RANBP2: variants seen among roughly 807,000 people sequenced by gnomAD.
RANBP2 encodes the protein E3 SUMO-protein ligase RanBP2.
Under a neutral mutation model 303.6 loss-of-function variants are expected in RANBP2, and 57 were observed. The observed-to-expected ratio is 0.19, with a 90% CI of 0.15 to 0.23. The LOEUF (loss-of-function observed/expected upper bound fraction) is 0.23, where lower values mean the gene tolerates loss of function less well. Among genes scored for constraint, RANBP2 ranks in the 10% least tolerant of loss-of-function variants. The pLI, the probability that RANBP2 is intolerant of heterozygous loss-of-function variation, is 1.00. For synonymous variants in RANBP2, 1,167 were observed against 1,301.5 expected, an observed-to-expected ratio of 0.90 and a Z score of 2.23; for missense variants, 3,138 against 3,780.8, an observed-to-expected ratio of 0.83 and a Z score of 4.46.
chr2:109,349,889 G>A, the RANBP2 span, among the ~76,000 whole-genome samples: 14 of 152,384 alleles, frequency 9.2e-5, no homozygotes, highest in African/African-American at 2.9e-4. Flanking sequence ...CTGGACAAGA[G>A]GACAAAGGGC....
chr2:109,237,072 T>A, the RANBP2 span, among the ~76,000 whole-genome samples: 1 of 152,082 alleles, frequency 6.6e-6, no homozygotes, highest in East Asian at 1.9e-4. Flanking sequence ...GCAAACAATG[T>A]TAAAATAAGA....
At chr2:109,307,656 G>A in the RANBP2 span, among the ~76,000 whole-genome samples, 1 of 141,406 alleles carries the variant, frequency 7.1e-6, no homozygotes, top group African/African-American at 2.8e-5. Flanking sequence ...TCCCACCTAT[G>A]AGTGAGAATA....
the RANBP2 span, among the ~76,000 whole-genome samples, chr2:109,009,703 TTTTTTTTG>T: frequency 5.8e-5 from 7 of 120,370 alleles, no homozygotes; most frequent in African/African-American, 7.5e-5. Context: ...CATTTTTACC[TTTTTTTTG>T]TTTTTTTTTT....
the RANBP2 span, among the ~76,000 whole-genome samples, chr2:109,521,688 G>A: frequency 6.6e-5 from 10 of 152,282 alleles, no homozygotes; most frequent in African/African-American, 2.4e-4. Flanking sequence ...CTGGCTGGAC[G>A]TGTCACCTGG....
chr2:109,008,895 T>C, the RANBP2 span, among the ~76,000 whole-genome samples: 1 of 126,880 alleles, frequency 7.9e-6, no homozygotes, highest in Non-Finnish European at 1.7e-5. Flanking sequence ...CAAGATTCCA[T>C]CTCAAAAAAA....
At chr2:109,275,010 C>T in the RANBP2 span, among the ~76,000 whole-genome samples, 1 of 152,078 alleles carries the variant, frequency 6.6e-6, no homozygotes, top group African/African-American at 2.4e-5. Flanking sequence ...TTCTAAGCAC[C>T]ATTTATACTG....
chr2:109,526,531 C>T, the RANBP2 span, among the ~76,000 whole-genome samples: 3 of 152,078 alleles, frequency 2.0e-5, no homozygotes, highest in African/African-American at 4.8e-5. Context: ...AGGCTGGTGT[C>T]GAACTCCTGA....
the RANBP2 span, among the ~76,000 whole-genome samples, chr2:109,047,963 G>A: frequency 6.6e-6 from 1 of 152,150 alleles, no homozygotes; most frequent in African/African-American, 2.4e-5. Context: ...TGGCCCCTCT[G>A]CCCACCTTGA....
At chr2:109,628,590 C>T in the RANBP2 span, among the ~76,000 whole-genome samples, 3,572 of 152,144 alleles carry the variant, frequency 0.023, 63 homozygotes, top group Middle Eastern at 0.058. Flanking sequence ...CTAATTTAAG[C>T]CTCCGTCATT....
the RANBP2 span, among the ~76,000 whole-genome samples, chr2:109,205,235 A>T: frequency 6.6e-6 from 1 of 151,600 alleles, no homozygotes; most frequent in African/African-American, 2.4e-5. Flanking sequence ...AAAATAAGAT[A>T]AAAAAAATTA....
the RANBP2 span, among the ~76,000 whole-genome samples, chr2:109,321,558 A>G: frequency 1.3e-5 from 2 of 152,386 alleles, no homozygotes; most frequent in African/African-American, 2.4e-5. Context: ...ACATTCTCCA[A>G]TAACTGGATG....
the RANBP2 span, among the ~76,000 whole-genome samples, chr2:109,591,174 G>A: frequency 3.2e-4 from 48 of 152,094 alleles, no homozygotes; most frequent in Non-Finnish European, 5.9e-4. Flanking sequence ...AGAAGCACTA[G>A]GCTTCTTCCT....
rs1419917850 is a variant in RANBP2 at position 108,737,401 on chromosome 2, C to T, written c.782+1152C>T. ...GTCACCAGGCTGGAGTGCAATGGAA[C>T]GACCTTGGCTCACTGTAACCTCCGC... is the stretch of plus-strand genomic sequence containing the variant. On this transcript the variant is annotated intron_variant, in intron 6 of 28. Coordinates refer to ENST00000283195, the MANE Select transcript of RANBP2 (RefSeq NM_006267.5). Among the ~76,000 whole-genome samples, 6 of 142,314 alleles carry T rather than the reference C, an allele frequency of 4.2e-5. No homozygotes were observed. The East Asian group carries it at 8.0e-4, about 19-fold the overall frequency. The allele number at this position is 142,314 out of a possible 152,430, so 93.4% of individuals were successfully genotyped here. A position where few individuals can be genotyped will look rare whatever the true frequency, so the allele number is the denominator to read the frequency against.
At position 108,767,151 on chromosome 2, in the gene RANBP2, C is replaced by T. The variant is rs202005268; in HGVS notation, c.6612C>T (p.Ala2204=). The change falls in exon 20 of 29, where the codon GCC becomes GCT. Residue 2204 remains alanine (A), a synonymous_variant. Transcript: ENST00000283195. ...ATAAGGGTTCAGGTACAGGTGCGGC[C>T]GGTGCCTCAGACACAACAATAAAAC... ...EENKGSGTGA[A]GASDTTIKPN... is the part of the protein sequence containing the mutation. The T allele has an allele frequency of 7.1e-5, 114 of 1,611,822 alleles. No homozygotes were observed. The East Asian group carries it at 1.8e-3, about 26-fold the overall frequency.
chr2:108,978,215 G>A, the RANBP2 span, among the ~76,000 whole-genome samples: 1 of 152,172 alleles, frequency 6.6e-6, no homozygotes, highest in African/African-American at 2.4e-5. Flanking sequence ...TATCTTTTAG[G>A]AACTCATCAT....
downstream of RANBP2, among the ~76,000 whole-genome samples, chr2:108,789,259 T>G (rs1395850697): frequency 6.6e-6 from 1 of 152,192 alleles, no homozygotes; most frequent in African/African-American, 2.4e-5. Flanking sequence ...AGGACCCAAA[T>G]GAAGACTCTG....
chr2:109,497,279 T>C, the RANBP2 span, among the ~76,000 whole-genome samples: 1 of 152,188 alleles, frequency 6.6e-6, no homozygotes, highest in Non-Finnish European at 1.5e-5. Context: ...TTCCATGGAC[T>C]CAGGGGCTCA....
the RANBP2 span, among the ~76,000 whole-genome samples, chr2:109,720,375 T>C: frequency 6.6e-6 from 1 of 152,082 alleles, no homozygotes; most frequent in African/African-American, 2.4e-5. Context: ...TATCAGTGGT[T>C]CTTAATTCTG....
chr2:108,817,299 CTTTTTT>C, the RANBP2 span, among the ~76,000 whole-genome samples: 1 of 144,196 alleles, frequency 6.9e-6, no homozygotes, highest in Non-Finnish European at 1.5e-5. Flanking sequence ...AATCTTTTTT[CTTTTTT>C]TTTTTTGAGG....
Sources: allele counts gnomAD v4.1 joint callset (sites outside exome capture counted in the v4.1 genomes callset), GRCh38; gene constraint gnomAD v4.1.1; transcripts MANE v1.5; gene names NCBI Gene and HGNC (gene_info 2026-07-23, HGNC 2026-07-21).